MAML3: variants seen among roughly 807,000 people sequenced by gnomAD.
MAML3 encodes the protein mastermind like transcriptional coactivator 3, also known as mastermind-like protein 3.
In MAML3, 27 loss-of-function variants were observed where a neutral mutation model predicts 101.9. That is an observed-to-expected ratio of 0.27 (90% CI 0.20 to 0.37). The LOEUF (loss-of-function observed/expected upper bound fraction) is 0.37. Ranked by LOEUF, MAML3 falls within the 10% of genes least tolerant of loss-of-function variation. The pLI, the probability that MAML3 is intolerant of heterozygous loss-of-function variation, is 1.00. For synonymous variants in MAML3, 501 were observed against 555.9 expected (o/e 0.90, Z 1.39); for missense variants, 1,316 against 1,444.9 (o/e 0.91, Z 1.45).
Position 139,719,667 on chromosome 4 carries a change from C to A in MAML3, c.3073G>T (p.Ala1025Ser). 6.2e-7 allele frequency: 1 copy of A among 1,613,178 alleles called. No homozygotes were observed. The highest frequency in any genetic ancestry group is 1.7e-5 in the Admixed American group (1 of 59,916). ...TGTVRTLNPA[A>S]MGRQMMPSLP... ...GATGGCATCATCTGCCGACCCATGG[C>A]AGCTGGGTTGAGGGTCCTCACTGTG... Residue 1025 changes from alanine to serine, a missense_variant, in exon 5 of 5, where the codon GCC (alanine) becomes TCC (serine). Ala to Ser is a moderately conservative substitution (Grantham distance 99). Transcript: ENST00000509479.
chr4:140,106,112 C>T (rs1021908712), intron 1 of MAML3, among the ~76,000 whole-genome samples: 3 of 25,116 alleles, frequency 1.2e-4, no homozygotes, highest in Admixed American at 4.6e-4. Flanking sequence ...AAACTGACTT[C>T]AAGAAAAAAA....
intron 2 of MAML3, among the ~76,000 whole-genome samples, chr4:139,796,761 CAA>C (rs1307844634): frequency 6.6e-6 from 1 of 152,076 alleles, no homozygotes; most frequent in Non-Finnish European, 1.5e-5. Context: ...AAAAAGGTTA[CAA>C]TATATATGCT....
intron 4 of MAML3, among the ~76,000 whole-genome samples, chr4:139,724,530 T>C (rs527265083): frequency 9.7e-4 from 147 of 152,302 alleles, no homozygotes; most frequent in Middle Eastern, 3.4e-3. Context: ...ATATAAAAGT[T>C]TGTATATATT....
chr4:139,892,602 CAAAAA>C (rs58824343), intron 1 of MAML3, among the ~76,000 whole-genome samples: 45,915 of 140,116 alleles, frequency 0.33, 9,202 homozygotes, highest in Non-Finnish European at 0.46. Context: ...CCACATTTTC[CAAAAA>C]AAAAAAAAAA....
At chr4:140,100,328 T>C (rs1295841494) in intron 1 of MAML3, among the ~76,000 whole-genome samples, 1 of 152,222 alleles carries the variant, frequency 6.6e-6, no homozygotes, top group African/African-American at 2.4e-5. Flanking sequence ...GTTATCCATA[T>C]CTATGAGGGT....
chr4:140,121,755 A>G (rs921367874), intron 1 of MAML3, among the ~76,000 whole-genome samples: 1 of 152,228 alleles, frequency 6.6e-6, no homozygotes, highest in African/African-American at 2.4e-5. Flanking sequence ...GTTAAACCCC[A>G]ATTTCATAGC....
rs762219049 is a variant in MAML3 at position 139,890,885 on chromosome 4, T to C, written c.551A>G (p.Asn184Ser). The C allele has an allele frequency of 3.7e-6, 6 of 1,613,714 alleles. No homozygotes were observed. The highest frequency in any genetic ancestry group is 1.1e-5 in the South Asian group (1 of 91,034). ...GDQQNGACDG[N>S]FSPTSKRIRK... ...AATTCGTTTGCTAGTCGGAGAAAAATTCCCATCACAAGCACCATTCTGCTG... is the reference window on the plus strand; with the variant it reads ...AATTCGTTTGCTAGTCGGAGAAAAACTCCCATCACAAGCACCATTCTGCTG... Residue 184 changes from asparagine (N) to serine (S), a missense_variant, in exon 2 of 5, where the codon AAT becomes AGT. Coordinates refer to ENST00000509479, the MANE Select transcript of MAML3 (RefSeq NM_018717.5). This position sits in a 1 kb window ranked among gnomAD's most constrained non-coding sequence, Gnocchi z 4.1.
chr4:140,101,479 T>A (rs1351716560), intron 1 of MAML3, among the ~76,000 whole-genome samples: 3 of 149,730 alleles, frequency 2.0e-5, no homozygotes, highest in African/African-American at 7.7e-5. Context: ...CCACAGCTGT[T>A]CTATCTGTCA....
chr4:139,963,345 T>A (rs984464722), intron 1 of MAML3, among the ~76,000 whole-genome samples: 1 of 152,218 alleles, frequency 6.6e-6, no homozygotes, highest in Non-Finnish European at 1.5e-5. Flanking sequence ...AGGTCTAGAA[T>A]GGTCCCCAAG....
intron 1 of MAML3, among the ~76,000 whole-genome samples, chr4:140,035,681 G>A (rs1255312520): frequency 3.9e-5 from 6 of 151,938 alleles, no homozygotes; most frequent in Non-Finnish European, 7.4e-5. Context: ...TACCCAGGAG[G>A]CTGAGACAGG....
intron 1 of MAML3, among the ~76,000 whole-genome samples, chr4:139,977,699 C>T (rs1466264627): frequency 6.6e-6 from 1 of 151,836 alleles, no homozygotes; most frequent in East Asian, 1.9e-4. Context: ...ATGGTGAAAC[C>T]CCGTCTCTAC....
chr4:140,017,436 T>A (rs1482539913), intron 1 of MAML3, among the ~76,000 whole-genome samples: 1 of 152,170 alleles, frequency 6.6e-6, no homozygotes, highest in Non-Finnish European at 1.5e-5. Context: ...CAAGCAGTTG[T>A]ACTCCTGGAT....
intron 1 of MAML3, among the ~76,000 whole-genome samples, chr4:140,130,279 G>A (rs75467558): frequency 0.016 from 2,380 of 152,294 alleles, 25 homozygotes; most frequent in Non-Finnish European, 0.025. Flanking sequence ...AAGGAACAAT[G>A]TCTACGCTTA....
intron 2 of MAML3, among the ~76,000 whole-genome samples, chr4:139,831,269 A>G (rs1731158901): frequency 6.6e-6 from 1 of 152,186 alleles, no homozygotes; most frequent in Non-Finnish European, 1.5e-5. Flanking sequence ...TTAACATTAG[A>G]CTGCTGTTTT....
chr4:139,999,538 G>T (rs891054515), intron 1 of MAML3, among the ~76,000 whole-genome samples: 1 of 152,088 alleles, frequency 6.6e-6, no homozygotes. Context: ...TGTTCATTTT[G>T]TCCAGCCTTA....
rs1304870663 is a variant in MAML3, at chr4:139,717,984, A to C, written c.*1339T>G. 6.6e-6 allele frequency: 1 copy of C among 152,114 alleles called. No individual in the cohort carries two copies. The highest frequency in any genetic ancestry group is 1.5e-5 in the Non-Finnish European group (1 of 68,028). 9.4% of individuals were successfully genotyped at this position (152,114 alleles called of 1,614,324 possible). A position where few individuals can be genotyped will look rare whatever the true frequency, so the allele number is the denominator to read the frequency against. On this transcript the variant is annotated 3_prime_UTR_variant, in exon 5 of 5. Coordinates refer to ENST00000509479, the MANE Select transcript of MAML3 (RefSeq NM_018717.5). ...AATAAACTACATCTCCTTTCTATCC[A>C]AATTTGTAAGGTGGAGCAATTGCTT... is the stretch of plus-strand genomic sequence containing the variant.
intron 1 of MAML3, among the ~76,000 whole-genome samples, chr4:140,136,012 G>A (rs1728876936): frequency 6.6e-6 from 1 of 152,156 alleles, no homozygotes; most frequent in Non-Finnish European, 1.5e-5. Flanking sequence ...CTTAAGAATG[G>A]GGTGGCAGGA....
intron 1 of MAML3, among the ~76,000 whole-genome samples, chr4:140,148,498 G>A (rs983360032): frequency 1.8e-4 from 27 of 152,234 alleles, no homozygotes; most frequent in African/African-American, 6.0e-4. Context: ...GGCATGCTGT[G>A]TTGGGCAATG....
chr4:139,862,593 G>C (rs577155726), intron 2 of MAML3, among the ~76,000 whole-genome samples: 1 of 152,188 alleles, frequency 6.6e-6, no homozygotes, highest in South Asian at 2.1e-4. Flanking sequence ...TGACCCATTG[G>C]TCTCCCCAGA....
Sources: gnomAD v4.1 joint callset for allele counts (sites outside exome capture counted in the v4.1 genomes callset) on GRCh38, gnomAD v4.1.1 for gene constraint, Gnocchi (gnomAD v3.1) non-coding constraint, MANE v1.5 for transcripts, NCBI Gene and HGNC (gene_info 2026-07-23, HGNC 2026-07-21) for gene names.